Variants in GALNT13 observed in about 807,000 individuals in gnomAD.
GALNT13 encodes the protein UDP-GalNAc:polypeptide N-acetylgalactosaminyltransferase 13.
GALNT13 carries 28 observed loss-of-function variants against 64.2 expected under a neutral mutation model. The observed-to-expected ratio is 0.44, with a 90% confidence interval of 0.32 to 0.60. GALNT13 has a LOEUF of 0.60. Ranked by LOEUF, GALNT13 falls within the 20% of genes least tolerant of loss-of-function variation. The pLI, the probability that GALNT13 is intolerant of heterozygous loss-of-function variation, is 0.05. For synonymous variants in GALNT13, 214 were observed against 224.6 expected, an observed-to-expected ratio of 0.95 and a Z score of 0.42; for missense variants, 577 against 669.8, an observed-to-expected ratio of 0.86 and a Z score of 1.53.
the GALNT13 span, among the ~76,000 whole-genome samples, chr2:153,112,115 CG>C: frequency 6.6e-6 from 1 of 152,070 alleles, no homozygotes; most frequent in Non-Finnish European, 1.5e-5. Context: ...TTCCATATGG[CG>C]GGGGCAAGAG....
chr2:153,750,902 G>A, the GALNT13 span, among the ~76,000 whole-genome samples: 1 of 151,514 alleles, frequency 6.6e-6, no homozygotes, highest in Non-Finnish European at 1.5e-5. Flanking sequence ...TTTAGAATTA[G>A]GTGTTTTTTG....
intron 3 of GALNT13, among the ~76,000 whole-genome samples, chr2:154,107,319 G>T (rs1346210525): frequency 6.6e-6 from 1 of 152,130 alleles, no homozygotes; most frequent in African/African-American, 2.4e-5. Flanking sequence ...AAATAGCTGG[G>T]CACAGTGGCT....
the GALNT13 span, among the ~76,000 whole-genome samples, chr2:153,079,876 A>G: frequency 1.4e-4 from 21 of 152,202 alleles, no homozygotes; most frequent in Non-Finnish European, 7.3e-5. Context: ...TGTTTTTACT[A>G]TCTCTAAGAA....
intron 2 of GALNT13, among the ~76,000 whole-genome samples, chr2:153,936,360 A>T (rs115896285): frequency 9.2e-5 from 14 of 152,192 alleles, no homozygotes; most frequent in Non-Finnish European, 1.6e-4. Flanking sequence ...AGTTTGGAAA[A>T]TCTAATACCT....
chr2:153,558,911 G>A, the GALNT13 span, among the ~76,000 whole-genome samples: 3 of 152,310 alleles, frequency 2.0e-5, no homozygotes, highest in Non-Finnish European at 2.9e-5. Context: ...GGAAAGCCAG[G>A]AATAATGGTC....
intron 2 of GALNT13, among the ~76,000 whole-genome samples, chr2:153,927,006 A>G (rs1031488963): frequency 6.6e-6 from 1 of 152,102 alleles, no homozygotes; most frequent in African/African-American, 2.4e-5. Context: ...ATTCATAAGT[A>G]GACATTGCAA....
the GALNT13 span, among the ~76,000 whole-genome samples, chr2:153,692,277 T>A: frequency 6.6e-6 from 1 of 152,232 alleles, no homozygotes; most frequent in African/African-American, 2.4e-5. Context: ...TTCTGTTTAC[T>A]TGGAAGCTGG....
the GALNT13 span, among the ~76,000 whole-genome samples, chr2:153,445,112 A>AT: frequency 6.6e-6 from 1 of 152,184 alleles, no homozygotes; most frequent in Non-Finnish European, 1.5e-5. Context: ...CTGATTTCTC[A>AT]TTGTGGTTAT....
rs187170080 is a variant in GALNT13, at chr2:154,338,630, A to G, written c.1156+37041A>G. ...TGGTAAAATGTGGGCAAGAGCCCCT[A>G]TTGTGGTTTCCATGAGAAGAAATGA... On this transcript the variant is annotated intron_variant, in intron 9 of 12. Coordinates refer to ENST00000392825, the MANE Select transcript of GALNT13 (RefSeq NM_052917.4). Among the ~76,000 whole-genome samples, 328 of 152,200 alleles carry G rather than the reference A, an allele frequency of 2.2e-3. 1 individual carries two copies. The highest frequency in any genetic ancestry group is 6.9e-3 in the African/African-American group (286 of 41,564).
At chr2:153,659,708 TG>T in the GALNT13 span, among the ~76,000 whole-genome samples, 1 of 152,126 alleles carries the variant, frequency 6.6e-6, no homozygotes, top group African/African-American at 2.4e-5. Context: ...AGCATATCCC[TG>T]CAAAGACAAT....
chr2:154,143,722 G>A (rs1004193679), intron 4 of GALNT13, among the ~76,000 whole-genome samples: 9 of 151,718 alleles, frequency 5.9e-5, no homozygotes, highest in African/African-American at 2.2e-4. Context: ...TTAGCCAGGT[G>A]TGGTGGCCCA....
At chr2:154,377,434 A>G (rs567273710) in intron 9 of GALNT13, among the ~76,000 whole-genome samples, 2 of 152,222 alleles carry the variant, frequency 1.3e-5, no homozygotes, top group East Asian at 1.9e-4. Flanking sequence ...GGCAGGTAGG[A>G]AGGGAGGGAG....
intron 9 of GALNT13, among the ~76,000 whole-genome samples, chr2:154,320,537 A>G (rs1025829479): frequency 2.0e-5 from 3 of 152,094 alleles, no homozygotes; most frequent in Admixed American, 2.0e-4. Context: ...CTTTTTTTCC[A>G]CTGCTGTCAG....
chr2:154,006,009 A>T (rs960494428), intron 3 of GALNT13, among the ~76,000 whole-genome samples: 1 of 152,230 alleles, frequency 6.6e-6, no homozygotes, highest in South Asian at 2.1e-4. Flanking sequence ...AACTTTGAGG[A>T]AAATGGGTAC....
the GALNT13 span, among the ~76,000 whole-genome samples, chr2:153,118,147 C>CACACACACACACACACACACACACACA: frequency 7.1e-6 from 1 of 140,168 alleles, no homozygotes; most frequent in Non-Finnish European, 1.5e-5. Context: ...ACACACACAC[C>CACACACACACACACACACACACACACA]CCACATAAAC....
intron 9 of GALNT13, among the ~76,000 whole-genome samples, chr2:154,325,324 T>A (rs934766285): frequency 4.6e-5 from 7 of 152,090 alleles, no homozygotes; most frequent in Admixed American, 1.3e-4. Flanking sequence ...AAATGATTAT[T>A]CAAAGCCATC....
chr2:154,349,864 A>T (rs1696291310), intron 9 of GALNT13, among the ~76,000 whole-genome samples: 1 of 152,218 alleles, frequency 6.6e-6, no homozygotes, highest in South Asian at 2.1e-4. Flanking sequence ...TTTGCCAAGC[A>T]TGGCAATGCT....
intron 1 of GALNT13, among the ~76,000 whole-genome samples, chr2:153,872,633 G>GT (rs1686051478): frequency 2.3e-5 from 1 of 43,552 alleles, no homozygotes; most frequent in African/African-American, 7.2e-5. Flanking sequence ...GGGGGGGGGG[G>GT]GAGCGGCTCT....
At chr2:153,357,205 C>T in the GALNT13 span, 1 of 152,036 alleles carries the variant, frequency 6.6e-6, no homozygotes, top group African/African-American at 2.4e-5. Flanking sequence ...TTGATGCATG[C>T]AACAATAGAT....
Sources: gnomAD v4.1 joint callset for allele counts (sites outside exome capture counted in the v4.1 genomes callset) on GRCh38, gnomAD v4.1.1 for gene constraint, MANE v1.5 for transcripts, NCBI Gene and HGNC (gene_info 2026-07-23, HGNC 2026-07-21) for gene names.